HAO1: variants seen among roughly 807,000 people sequenced by gnomAD.
HAO1 encodes the protein hydroxyacid oxidase 1.
HAO1 carries 34 observed loss-of-function variants against 39.7 expected under a neutral mutation model. That is an observed-to-expected ratio of 0.86 (90% CI 0.65 to 1.14). HAO1 has a LOEUF of 1.14. Ranked by LOEUF, HAO1 falls within the 50% of genes most tolerant of loss-of-function variation. The pLI, the probability that HAO1 is intolerant of heterozygous loss-of-function variation, is 0.00. For synonymous variants in HAO1, 172 were observed against 173.2 expected, an observed-to-expected ratio of 0.99 and a Z score of 0.05; for missense variants, 479 against 464.5, an observed-to-expected ratio of 1.03 and a Z score of -0.29.
intron 5 of HAO1, 37 bp from the exon 6 acceptor site, chr20:7,885,901 A>G: frequency 6.4e-7 from 1 of 1,569,996 alleles, no homozygotes; most frequent in Non-Finnish European, 8.8e-7. Flanking sequence ...GACTCTATTA[A>G]CACTGAATTG....
chr20:7,919,444 C>A (rs376228401), intron 2 of HAO1, among the ~76,000 whole-genome samples: 1 of 149,638 alleles, frequency 6.7e-6, no homozygotes, highest in African/African-American at 2.5e-5. Context: ...CACACACACA[C>A]ATACAATCAC....
intron 2 of HAO1, among the ~76,000 whole-genome samples, chr20:7,927,434 G>A (rs986316599): frequency 2.0e-5 from 3 of 152,052 alleles, no homozygotes; most frequent in Non-Finnish European, 4.4e-5. Context: ...GCCATTATAA[G>A]TAGAGGCACT....
At chr20:7,912,413 C>CA (rs981083180) in intron 3 of HAO1, among the ~76,000 whole-genome samples, 5 of 151,814 alleles carry the variant, frequency 3.3e-5, no homozygotes, top group African/African-American at 1.2e-4. Context: ...AAAAACAAAA[C>CA]AAAAAACCCT....
Position 7,883,569 on chromosome 20 carries a change from C to T in HAO1, c.*24G>A. 3.2e-6 allele frequency: 5 copies of T among 1,577,740 alleles called. No individual in the cohort carries two copies. Among genetic ancestry groups the T allele is most frequent in the Non-Finnish European group, 4.4e-6 (5 of 1,146,966 alleles). On this transcript the variant is annotated 3_prime_UTR_variant, in exon 8 of 8. Transcript: ENST00000378789. ...TAATACATGCTGAAAAAAAATAATA[C>T]AGATGGGAAAATATTGTGCACTGTC...
At position 7,928,281 on chromosome 20, in the gene HAO1, G is replaced by A. The variant is rs138998301; in HGVS notation, c.289+6203C>T. On this transcript the variant is annotated intron_variant, in intron 2 of 7. Coordinates refer to ENST00000378789, the MANE Select transcript of HAO1 (RefSeq NM_017545.3). The stretch of plus-strand genomic sequence containing the variant: ...AAAGAAGTGGGCTGACATAAAGTGC[G>A]TCTAAACCCTCCAGGGCTGACATAA... Among the ~76,000 whole-genome samples the A allele has an allele frequency of 1.7e-3, 265 of 152,232 alleles. 1 individual carries two copies. The highest frequency in any genetic ancestry group is 6.1e-3 in the African/African-American group (252 of 41,532).
At chr20:7,898,918 A>G (rs2050209055) in intron 4 of HAO1, among the ~76,000 whole-genome samples, 1 of 150,612 alleles carries the variant, frequency 6.6e-6, no homozygotes, top group Non-Finnish European at 1.5e-5. Flanking sequence ...CTAGTTATGT[A>G]CAGGATCCTG....
intron 3 of HAO1, among the ~76,000 whole-genome samples, chr20:7,909,876 G>C (rs1271774568): frequency 6.6e-6 from 1 of 152,130 alleles, no homozygotes; most frequent in Non-Finnish European, 1.5e-5. Context: ...CATAAATACA[G>C]ACACTGATAC....
chr20:7,886,664 T>G (rs777799186), intron 5 of HAO1, among the ~76,000 whole-genome samples: 6 of 152,156 alleles, frequency 3.9e-5, no homozygotes, highest in Non-Finnish European at 7.3e-5. Context: ...TGAAAACATT[T>G]TTCTTGTTTT....
intron 1 of HAO1, among the ~76,000 whole-genome samples, chr20:7,939,104 CT>C (rs3215457): frequency 0.24 from 36,806 of 151,966 alleles, 4,873 homozygotes; most frequent in East Asian, 0.48. Flanking sequence ...AGAGCAGAAA[CT>C]TTTAAATGAG....
chr20:7,884,802 G>T (rs1600103441), intron 7 of HAO1, among the ~76,000 whole-genome samples: 1 of 152,108 alleles, frequency 6.6e-6, no homozygotes, highest in African/African-American at 2.4e-5. Context: ...GCCACTGGGG[G>T]TTTTCTGATC....
At chr20:7,940,110 A>AT (rs2050433829) in intron 1 of HAO1, among the ~76,000 whole-genome samples, 176 bp downstream of exon 1, 1 of 152,160 alleles carries the variant, frequency 6.6e-6, no homozygotes, top group African/African-American at 2.4e-5. Context: ...GGCTTGGAAT[A>AT]TTTTTTAACA....
intron 2 of HAO1, among the ~76,000 whole-genome samples, chr20:7,929,355 A>G (rs1453351128): frequency 2.0e-5 from 3 of 152,198 alleles, no homozygotes; most frequent in Non-Finnish European, 4.4e-5. Flanking sequence ...CATTTATTTC[A>G]TGAATCCTCA....
At chr20:7,933,582 T>A (rs1436458239) in intron 2 of HAO1, among the ~76,000 whole-genome samples, 1 of 152,244 alleles carries the variant, frequency 6.6e-6, no homozygotes, top group Non-Finnish European at 1.5e-5. Context: ...GCCATTCTGA[T>A]ATCCCTGACA....
chr20:7,905,158 G>A (rs867828618), intron 4 of HAO1, among the ~76,000 whole-genome samples: 22 of 151,218 alleles, frequency 1.5e-4, no homozygotes, highest in South Asian at 2.1e-4. Flanking sequence ...ATTATATATC[G>A]ATTTAAAAAA....
intron 2 of HAO1, 133 bp downstream of exon 2, chr20:7,934,351 G>C: frequency 1.7e-6 from 1 of 585,606 alleles, no homozygotes. Context: ...CAAGTATTTT[G>C]ATGATAGAGT....
Position 7,929,655 on chromosome 20 carries a change from G to A in HAO1, c.289+4829C>T, listed in dbSNP as rs576005081. Among the ~76,000 whole-genome samples the A allele has an allele frequency of 2.6e-5, 4 of 152,220 alleles. No homozygotes were observed. The East Asian group carries it at 7.7e-4, about 29-fold the overall frequency. On this transcript the variant is annotated intron_variant, in intron 2 of 7. Transcript: ENST00000378789. ...CCAAGGCAGGCAGATCATGAGGTCAGGAGATCAAGACCATCCTGGCCAACA... is the reference window on the plus strand; with the variant it reads ...CCAAGGCAGGCAGATCATGAGGTCAAGAGATCAAGACCATCCTGGCCAACA...
chr20:7,903,858 CGGTGGTGGTGGTGGTGGT>C lies in HAO1; in HGVS notation c.721+2278_721+2295del, dbSNP rs10585629. ...GTCCTGGTAATGGAGATTGTGGTAG[CGGTGGTGGTGGTGGTGGT>C]GGTGGTGGTGGTGGTGGTGGTGGTG... On this transcript the variant is annotated intron_variant, in intron 4 of 7. Transcript: ENST00000378789. Among the ~76,000 whole-genome samples, 84 of 57,612 alleles carry C rather than the reference CGGTGGTGGTGGTGGTGGT, an allele frequency of 1.5e-3. 2 individuals are homozygous for C. Among genetic ancestry groups the C allele is most frequent in the African/African-American group, 3.3e-3 (69 of 20,882 alleles). The allele number at this position is 57,612 out of a possible 152,430, so 37.8% of individuals were successfully genotyped here.
chr20:7,932,666 C>T (rs2050391027), intron 2 of HAO1, among the ~76,000 whole-genome samples: 1 of 152,032 alleles, frequency 6.6e-6, no homozygotes, highest in Non-Finnish European at 1.5e-5. Flanking sequence ...CATTATTGCA[C>T]TCTTCCTATA....
At chr20:7,930,754 A>T (rs2122796268) in intron 2 of HAO1, among the ~76,000 whole-genome samples, 1 of 152,300 alleles carries the variant, frequency 6.6e-6, no homozygotes, top group South Asian at 2.1e-4. Context: ...GCTGTACATC[A>T]TTAGCTAGGG....
Sources: gnomAD v4.1 joint callset for allele counts (sites outside exome capture counted in the v4.1 genomes callset) on GRCh38, gnomAD v4.1.1 for gene constraint, MANE v1.5 for transcripts, NCBI Gene and HGNC (gene_info 2026-07-23, HGNC 2026-07-21) for gene names.